The following ABCC1 variants were observed in gnomAD, a reference collection of about 807,000 sequenced individuals.
The protein encoded by ABCC1 is ATP binding cassette subfamily C member 1 (ABCC1 blood group), also known as multidrug resistance-associated protein 1.
A neutral mutation model predicts 172.9 loss-of-function variants in ABCC1; 83 were observed. The ratio of observed to expected loss-of-function variants is 0.48; its 90% CI spans 0.40 to 0.58. The LOEUF (loss-of-function observed/expected upper bound fraction) is 0.58. Among genes scored for constraint, ABCC1 ranks in the 20% least tolerant of loss-of-function variants. The pLI, the probability that ABCC1 is intolerant of heterozygous loss-of-function variation, is 0.00. For missense variants in ABCC1, 1,817 were observed against 2,002.7 expected (o/e 0.91, Z 1.77); for synonymous variants, 937 against 825.2 (o/e 1.14, Z -2.32).
intron 29 of ABCC1, 27 bp downstream of exon 29, chr16:16,136,671 C>A: frequency 1.2e-6 from 2 of 1,609,414 alleles, no homozygotes; most frequent in Non-Finnish European, 1.7e-6. Context: ...AAGGAGACAC[C>A]GGGTAAGGTG....
chr16:16,135,778 A>G (rs539711823), intron 28 of ABCC1, among the ~76,000 whole-genome samples: 17 of 152,252 alleles, frequency 1.1e-4, no homozygotes, highest in South Asian at 2.1e-4. Flanking sequence ...TTCTAGACCA[A>G]TCCCCGCAGG....
chr16:15,952,289 G>A (rs1172974211), intron 1 of ABCC1, among the ~76,000 whole-genome samples: 1 of 152,118 alleles, frequency 6.6e-6, no homozygotes, highest in Non-Finnish European at 1.5e-5. Flanking sequence ...TTCTTCCTTT[G>A]GATTCCCCTT....
intron 12 of ABCC1, among the ~76,000 whole-genome samples, chr16:16,062,347 C>T (rs913364306): frequency 1.3e-5 from 2 of 151,954 alleles, no homozygotes; most frequent in African/African-American, 4.8e-5. Flanking sequence ...TTTTTTCTTT[C>T]TTTCTTTCTT....
intron 1 of ABCC1, among the ~76,000 whole-genome samples, chr16:15,973,820 T>TAA (rs111583444): frequency 7.2e-6 from 1 of 139,198 alleles, no homozygotes; most frequent in East Asian, 2.1e-4. Flanking sequence ...TACACAAAAT[T>TAA]AAAAAAAAAA....
At chr16:16,043,222 GTTTTT>G (rs147161637) in intron 7 of ABCC1, among the ~76,000 whole-genome samples, 7 of 89,508 alleles carry the variant, frequency 7.8e-5, no homozygotes, top group African/African-American at 3.0e-4. Flanking sequence ...TGGCTGGACT[GTTTTT>G]TTTTTTTTTT....
chr16:15,979,595 G>C (rs933591652), intron 1 of ABCC1, among the ~76,000 whole-genome samples: 3 of 152,014 alleles, frequency 2.0e-5, no homozygotes, highest in Non-Finnish European at 4.4e-5. Context: ...AGTACATTCA[G>C]AATTGTGCAT....
chr16:16,009,661 C>A, intron 2 of ABCC1, 115 bp from the exon 3 acceptor site: 2 of 1,144,764 alleles, frequency 1.7e-6, no homozygotes, highest in Middle Eastern at 2.7e-4. Context: ...AGGACTGTGG[C>A]TGATCATTTG....
At chr16:15,997,908 G>T (rs1485026731) in intron 1 of ABCC1, among the ~76,000 whole-genome samples, 9 of 149,672 alleles carry the variant, frequency 6.0e-5, no homozygotes, top group African/African-American at 2.2e-4. Flanking sequence ...CCACCTCCTG[G>T]GTTTAAGCGA....
chr16:16,115,595 C>T (rs1001728310), intron 23 of ABCC1, among the ~76,000 whole-genome samples: 5 of 152,136 alleles, frequency 3.3e-5, no homozygotes, highest in Admixed American at 1.3e-4. Context: ...GATCCACCCA[C>T]CTCGACCTCC....
rs1183784458 is a variant in ABCC1 at position 16,056,102 on chromosome 16, T to C, written c.1484T>C (p.Met495Thr). ...CCCGTCTCTTCCAAGGTGGCCCACA[T>C]GAAGAGCAAAGACAATCGGATCAAG... The part of the protein sequence containing the change: ...MKTKTYQVAH[M>T]KSKDNRIKLM... Residue 495 changes from methionine (M) to threonine (T), a missense_variant, in exon 12 of 31, where the codon ATG (methionine) becomes ACG (threonine). Transcript: ENST00000399410. The C allele has an allele frequency of 6.2e-6, 10 of 1,613,938 alleles. No individual in the cohort carries two copies. Among genetic ancestry groups the C allele is most frequent in the Non-Finnish European group, 8.5e-6 (10 of 1,179,986 alleles).
At chr16:16,023,787 C>CAA (rs1434304750) in intron 5 of ABCC1, among the ~76,000 whole-genome samples, 1 of 151,996 alleles carries the variant, frequency 6.6e-6, no homozygotes, top group East Asian at 1.9e-4. Flanking sequence ...AGGGGATGCT[C>CAA]AAGTCTAAGG....
At chr16:16,012,502 T>C (rs938823705) in intron 3 of ABCC1, among the ~76,000 whole-genome samples, 1 of 136,052 alleles carries the variant, frequency 7.4e-6, no homozygotes, top group Non-Finnish European at 1.6e-5. Flanking sequence ...TTTTTTTTTT[T>C]CAATTTCACT....
chr16:16,107,283 T>C (rs1431037429), intron 21 of ABCC1, among the ~76,000 whole-genome samples: 1 of 152,110 alleles, frequency 6.6e-6, no homozygotes, highest in Non-Finnish European at 1.5e-5. Flanking sequence ...TTTGTTTCAT[T>C]TCTTTTTTTA....
intron 12 of ABCC1, among the ~76,000 whole-genome samples, chr16:16,057,248 A>G (rs994100411): frequency 6.6e-6 from 1 of 151,012 alleles, no homozygotes; most frequent in African/African-American, 2.4e-5. Flanking sequence ...ATTCCCAGCT[A>G]CTCAGGAGGC....
At position 16,012,131 on chromosome 16, in the gene ABCC1, G is replaced by A. The variant is rs963866081; in HGVS notation, c.351+2230G>A. Among the ~76,000 whole-genome samples the A allele has an allele frequency of 2.8e-4, 43 of 152,294 alleles. 1 individual carries two copies. The highest frequency in any genetic ancestry group is 1.0e-3 in the Admixed American group (16 of 15,290). The stretch of plus-strand genomic sequence containing the variant: ...CCATGATTCTATATAGCACACATAT[G>A]TGCTGTCCACTCTCTGCCAAGAACT... On this transcript the variant is annotated intron_variant, in intron 3 of 30. Transcript: ENST00000399410.
At chr16:15,968,311 G>A (rs1022081963) in intron 1 of ABCC1, among the ~76,000 whole-genome samples, 6 of 152,066 alleles carry the variant, frequency 3.9e-5, no homozygotes, top group African/African-American at 1.2e-4. Flanking sequence ...TGGGATTACC[G>A]GGGTGAGCCA....
intron 21 of ABCC1, among the ~76,000 whole-genome samples, chr16:16,107,253 C>T (rs1048587892): frequency 6.6e-6 from 1 of 152,126 alleles, no homozygotes; most frequent in Admixed American, 6.5e-5. Flanking sequence ...TGCACAGACG[C>T]ATTAAATGAC....
chr16:16,066,896 G>A (rs2050132800), intron 12 of ABCC1, among the ~76,000 whole-genome samples: 1 of 77,588 alleles, frequency 1.3e-5, no homozygotes, highest in African/African-American at 4.8e-5. Flanking sequence ...GAATGAGACT[G>A]TGTCTCAAAA....
At chr16:16,136,394 C>A in intron 28 of ABCC1, 84 bp from the exon 29 acceptor site, 1 of 1,488,334 alleles carries the variant, frequency 6.7e-7, no homozygotes. Context: ...TTCAACAGTC[C>A]TGGCCAGAAG....
Sources: gnomAD v4.1 joint callset for allele counts (sites outside exome capture counted in the v4.1 genomes callset) on GRCh38, gnomAD v4.1.1 for gene constraint, MANE v1.5 for transcripts, NCBI Gene and HGNC (gene_info 2026-07-23, HGNC 2026-07-21) for gene names.